Variants in BLOC1S2 observed in about 807,000 individuals in gnomAD.
The protein encoded by BLOC1S2 is biogenesis of lysosomal organelles complex 1 subunit 2.
A neutral mutation model predicts 19.6 loss-of-function variants in BLOC1S2; 12 were observed. That is an observed-to-expected ratio of 0.61 (90% confidence interval 0.39 to 0.99). BLOC1S2 has a LOEUF of 0.99. BLOC1S2 is among the 50% of genes least tolerant of loss of function. The pLI is 0.00. For missense variants in BLOC1S2, 142 were observed against 171.0 expected (o/e 0.83, Z 0.95); for synonymous variants, 66 against 64.1 (o/e 1.03, Z -0.14).
chr10:100,277,454 G>A (rs1156338231), intron 4 of BLOC1S2, among the ~76,000 whole-genome samples: 2 of 146,744 alleles, frequency 1.4e-5, no homozygotes, highest in Non-Finnish European at 3.0e-5. Context: ...CCGGGAGGGA[G>A]GTGGGGGGGT....
chr10:100,281,085 T>C (rs1848090983), intron 2 of BLOC1S2, 32 bp from the exon 3 acceptor site: 7 of 1,608,622 alleles, frequency 4.4e-6, no homozygotes, highest in Non-Finnish European at 5.1e-6. Flanking sequence ...GTAATGTCTT[T>C]AAGATTTGTC....
chr10:100,277,534 T>C (rs71496516), intron 4 of BLOC1S2, among the ~76,000 whole-genome samples: 14,170 of 41,348 alleles, frequency 0.34, 4,242 homozygotes, highest in Middle Eastern at 0.46. Context: ...CCTGGCCAGC[T>C]GTCCCGTCCG....
chr10:100,277,203 G>C (rs12242185), intron 4 of BLOC1S2, among the ~76,000 whole-genome samples: 2 of 149,822 alleles, frequency 1.3e-5, no homozygotes, highest in African/African-American at 4.9e-5. Flanking sequence ...CCCCGTCTGA[G>C]AAGTGAGGAG....
At position 100,274,456 on chromosome 10, in the gene BLOC1S2, G is replaced by T. The variant is rs1847802440; in HGVS notation, c.*1006C>A. ...CAGCAACAGTCCAGGAAGAACAGAG[G>T]ATAAATGATGACTGTCTGGAACAGA... On this transcript the variant is annotated 3_prime_UTR_variant, in exon 5 of 5. Coordinates refer to ENST00000370372, the MANE Select transcript of BLOC1S2 (RefSeq NM_173809.5). 1 of 152,454 alleles carries T rather than the reference G, an allele frequency of 6.6e-6. No individual in the cohort carries two copies. Among genetic ancestry groups the T allele is most frequent in the Non-Finnish European group, 1.5e-5 (1 of 68,148 alleles). The allele number at this position is 152,454 out of a possible 1,614,324, so 9.4% of individuals were successfully genotyped here. A position where few individuals can be genotyped will look rare whatever the true frequency, so the allele number is the denominator to read the frequency against.
rs775132211 is a variant in BLOC1S2, at chr10:100,286,663, G to A, written c.-4C>T. 6 of 1,609,980 alleles carry A rather than the reference G, an allele frequency of 3.7e-6. No homozygotes were observed. The highest frequency in any genetic ancestry group is 3.3e-5 in the Admixed American group (2 of 59,782). On this transcript the variant is annotated 5_prime_UTR_variant, in exon 1 of 5. Transcript: ENST00000370372. ...CGCCCTCGGCTGCCGCCGCCATAGC[G>A]GACCCCGCGCTGTTTCCGGGCCGGG...
chr10:100,278,910 G>C (rs117677782), intron 4 of BLOC1S2, among the ~76,000 whole-genome samples: 5 of 151,836 alleles, frequency 3.3e-5, no homozygotes, highest in Non-Finnish European at 4.4e-5. Context: ...ACACAGCAAG[G>C]CCTTGTTTCA....
At chr10:100,277,014 TGAG>T (rs1178899236) in intron 4 of BLOC1S2, among the ~76,000 whole-genome samples, 1 of 148,236 alleles carries the variant, frequency 6.7e-6, no homozygotes, top group Non-Finnish European at 1.5e-5. Context: ...GTCTGGAAAG[TGAG>T]GAGCGTCTCT....
rs115171778 is a variant in BLOC1S2, at chr10:100,280,482, C to T, written c.293-254G>A. Among the ~76,000 whole-genome samples, 420 of 152,300 alleles carry T rather than the reference C, an allele frequency of 2.8e-3. 2 individuals carry two copies. The highest frequency in any genetic ancestry group is 9.8e-3 in the African/African-American group (407 of 41,564). On this transcript the variant is annotated intron_variant, in intron 3 of 4. Transcript: ENST00000370372. Reference sequence around the variant, plus strand: ...TCTTTTTAATTTCTTGCTCCTTGAGCAATCTTTCCATTACTGATTCTGTTT... The same window carrying T: ...TCTTTTTAATTTCTTGCTCCTTGAGTAATCTTTCCATTACTGATTCTGTTT...
chr10:100,281,530 A>G (rs999071506), intron 2 of BLOC1S2, among the ~76,000 whole-genome samples: 1 of 151,890 alleles, frequency 6.6e-6, no homozygotes, highest in African/African-American at 2.4e-5. Context: ...TAAAAATACA[A>G]AACAATTAGC....
intron 3 of BLOC1S2, 90 bp from the exon 4 acceptor site, chr10:100,280,318 C>T: frequency 8.5e-7 from 1 of 1,170,798 alleles, no homozygotes; most frequent in Non-Finnish European, 1.2e-6. Flanking sequence ...GCTAGTGTCT[C>T]TCCAGCTATG....
chr10:100,280,701 C>G (rs1182825917), intron 3 of BLOC1S2, among the ~76,000 whole-genome samples: 1 of 152,054 alleles, frequency 6.6e-6, no homozygotes, highest in Non-Finnish European at 1.5e-5. Flanking sequence ...TTCCTTTGCC[C>G]CCTCCCATTC....
At chr10:100,282,304 C>T (rs536046982) in intron 2 of BLOC1S2, among the ~76,000 whole-genome samples, 1 of 152,344 alleles carries the variant, frequency 6.6e-6, no homozygotes, top group South Asian at 2.1e-4. Flanking sequence ...ACACTCACTA[C>T]ATCCTCTTCC....
At chr10:100,280,401 T>C (rs1475899404) in intron 3 of BLOC1S2, among the ~76,000 whole-genome samples, 173 bp from the exon 4 acceptor site, 1 of 152,240 alleles carries the variant, frequency 6.6e-6, no homozygotes, top group Non-Finnish European at 1.5e-5. Context: ...CAGTAGCTAG[T>C]TGATCAGGCA....
Position 100,286,618 on chromosome 10 carries a change from A to T in BLOC1S2, c.42T>A (p.Asp14Glu), listed in dbSNP as rs1312773749. The T allele has an allele frequency of 6.2e-7, 1 of 1,612,640 alleles. No homozygotes were observed. Among genetic ancestry groups the T allele is most frequent in the East Asian group, 2.2e-5 (1 of 44,828 alleles). ...AAEGVLATRSDEPARDDAAVE... is the reference protein window; with the variant it reads ...AAEGVLATRSEEPARDDAAVE... ...CATTCCGGGTACCTCGGGCGGGCTC[A>T]TCACTCCGGGTCGCCAGTACGCCCT... Residue 14 changes from aspartate (D) to glutamate (E), a missense_variant, in exon 1 of 5, where the codon GAT (aspartate) becomes GAA (glutamate). Around this residue, in one of 2 missense-constraint regions of BLOC1S2, gnomAD observed 48 missense variants for 29.7 expected, o/e 1.61. Transcript: ENST00000370372.
rs542801505 is a variant in BLOC1S2 at position 100,278,160 on chromosome 10, G to A, written c.397+1964C>T. On this transcript the variant is annotated intron_variant, in intron 4 of 4. Transcript: ENST00000370372. ...CAGCCACCCCGTCTGGGAGGGAGGT[G>A]GGGGGGTCAGCCCCCTACCCGGCCA... is the stretch of plus-strand genomic sequence containing the variant. 4.2e-5 allele frequency among the ~76,000 whole-genome samples: 6 copies of A among 141,210 alleles called. No individual in the cohort carries two copies. The East Asian group carries it at 8.5e-4, about 20-fold the overall frequency. The allele number at this position is 141,210 out of a possible 152,430, so 92.6% of individuals were successfully genotyped here.
intron 2 of BLOC1S2, among the ~76,000 whole-genome samples, chr10:100,284,618 G>A (rs1269506516): frequency 6.6e-6 from 1 of 152,124 alleles, no homozygotes; most frequent in Non-Finnish European, 1.5e-5. Flanking sequence ...AGCCTCCTGA[G>A]TAGCTGGGAT....
At chr10:100,284,476 C>T (rs1301380866) in intron 2 of BLOC1S2, among the ~76,000 whole-genome samples, 1 of 152,084 alleles carries the variant, frequency 6.6e-6, no homozygotes, top group Non-Finnish European at 1.5e-5. Flanking sequence ...GCTTGGGCAA[C>T]GGAGCAGACC....
intron 2 of BLOC1S2, among the ~76,000 whole-genome samples, chr10:100,283,544 A>G (rs1848161456): frequency 1.3e-5 from 2 of 152,016 alleles, no homozygotes; most frequent in Admixed American, 1.3e-4. Context: ...CTACACTCTC[A>G]TATTTATACT....
Position 100,274,388 on chromosome 10 carries a change from G to A in BLOC1S2, c.*1074C>T, listed in dbSNP as rs1411014385. 2 of 152,626 alleles carry A rather than the reference G, an allele frequency of 1.3e-5. No homozygotes were observed. The highest frequency in any genetic ancestry group is 4.8e-5 in the African/African-American group (2 of 41,466). The allele number at this position is 152,626 out of a possible 1,614,324, so 9.5% of individuals were successfully genotyped here. On this transcript the variant is annotated 3_prime_UTR_variant, in exon 5 of 5. Transcript: ENST00000370372. ...TTTTTAAGATTGCTCTGGCAGCAGT[G>A]TGGAGGGTGGTTGGAAGGGACAGTT...
Sources: gnomAD v4.1 joint callset for allele counts (sites outside exome capture counted in the v4.1 genomes callset) on GRCh38, gnomAD v4.1.1 for gene constraint, gnomAD v4.1.1 regional missense constraint, MANE v1.5 for transcripts, NCBI Gene and HGNC (gene_info 2026-07-23, HGNC 2026-07-21) for gene names.